GRK6: variants seen among roughly 807,000 people sequenced by gnomAD.
The protein encoded by GRK6 is G protein-coupled receptor kinase 6.
A neutral mutation model predicts 80.8 loss-of-function variants in GRK6; 37 were observed. The ratio of observed to expected loss-of-function variants is 0.46; its 90% confidence interval spans 0.35 to 0.60. GRK6 has a LOEUF of 0.60. Among genes scored for constraint, GRK6 ranks in the 20% least tolerant of loss-of-function variants. The pLI is 0.00. For missense variants in GRK6, 560 were observed against 784.6 expected (o/e 0.71, Z 3.42); for synonymous variants, 295 against 320.9 (o/e 0.92, Z 0.86).
rs891888052 is a variant in GRK6, at chr5:177,429,936, G to A, written c.53-936G>A. Among the ~76,000 whole-genome samples, 7 of 152,074 alleles carry A rather than the reference G, an allele frequency of 4.6e-5. No individual in the cohort carries two copies. Among genetic ancestry groups the A allele is most frequent in the Non-Finnish European group, 1.0e-4 (7 of 68,026 alleles). On this transcript the variant is annotated intron_variant, in intron 1 of 15. Transcript: ENST00000355472. This position sits in a 1 kb window ranked among gnomAD's most constrained non-coding sequence, Gnocchi z 4.3. ...TCAGACCCAGCTCTGGGAGGCTCAG[G>A]CCCCTTCCACCCTCCTCAACCTGGT...
At position 177,435,079 on chromosome 5, in the gene GRK6, G is replaced by T. The variant is rs1181418041; in HGVS notation, c.1015G>T (p.Gly339Cys). ...GGGACTAGCTGTGCATGTGCCCGAG[G>T]GCCAGACCATCAAAGGGCGTGTGGG... ...DLGLAVHVPEGQTIKGRVGTV... is the reference protein window; with the variant it reads ...DLGLAVHVPECQTIKGRVGTV... Residue 339 changes from glycine to cysteine, a missense_variant, in exon 11 of 16, where the codon GGC (glycine) becomes TGC (cysteine). Physicochemically the swap from Gly to Cys is radical, Grantham distance 159. Transcript: ENST00000355472. 6.8e-6 allele frequency: 11 copies of T among 1,611,960 alleles called. No homozygotes were observed. Among genetic ancestry groups the T allele is most frequent in the Non-Finnish European group, 9.3e-6 (11 of 1,179,380 alleles).
chr5:177,430,987 TG>T lies in GRK6; in HGVS notation c.148+25del. On this transcript the variant is annotated intron_variant, in intron 2 of 15. Transcript: ENST00000355472. The stretch of plus-strand genomic sequence containing the variant: ...GCCTCGGTGAGGCCTGGGCAGAGAC[TG>T]GGGGTGCTGAGGCGAGGGGCCCTGC... The T allele has an allele frequency of 1.9e-6, 3 of 1,605,696 alleles. No individual in the cohort carries two copies. The highest frequency in any genetic ancestry group is 2.6e-6 in the Non-Finnish European group (3 of 1,173,908).
Position 177,430,862 on chromosome 5 carries a change from G to T in GRK6, c.53-10G>T, listed in dbSNP as rs1209378469. On this transcript the variant is annotated splice_polypyrimidine_tract_variant and intron_variant, in intron 1 of 15. Transcript: ENST00000355472. Reference sequence around the variant, plus strand: ...GGGACTCGAGACCCAGTGTCCTATTGCTCCCACAGGTGGCGGTGGAAATCG... The same window carrying T: ...GGGACTCGAGACCCAGTGTCCTATTTCTCCCACAGGTGGCGGTGGAAATCG... 1.9e-6 allele frequency: 3 copies of T among 1,613,294 alleles called. No homozygotes were observed. In the South Asian group the frequency reaches 3.3e-5, roughly 18 times the overall value.
At chr5:177,434,173 G>T in intron 9 of GRK6, 69 bp downstream of exon 9, 1 of 1,422,930 alleles carries the variant, frequency 7.0e-7, no homozygotes, top group Non-Finnish European at 9.3e-7. Flanking sequence ...GGCCTGGACG[G>T]GGGTGGCCAA....
In GRK6 at chr5:177,434,238, G is replaced by A. The variant is rs989655282; in HGVS notation, c.929+134G>A. 3.1e-5 allele frequency: 29 copies of A among 949,648 alleles called. No homozygotes were observed. In the Middle Eastern group the frequency reaches 9.5e-4, roughly 31 times the overall value. The allele number at this position is 949,648 out of a possible 1,614,324, so 58.8% of individuals were successfully genotyped here. A position where few individuals can be genotyped will look rare whatever the true frequency, so the allele number is the denominator to read the frequency against. ...ACATTGGTTTGGGGGCTGTGGCACC[G>A]GCTTAACTCACACGCCAGGCCAACC... On this transcript the variant is annotated intron_variant, in intron 9 of 15. Transcript: ENST00000355472.
chr5:177,433,795 C>T lies in GRK6; in HGVS notation c.738+119C>T, dbSNP rs1386811594. ...AGGAAGGGCGGGTTTGGGGTGTTGA[C>T]ACCAGGCTTGGGGAGCAGGCTGGGC... is the stretch of plus-strand genomic sequence containing the variant. On this transcript the variant is annotated intron_variant, in intron 8 of 15. Coordinates refer to ENST00000355472, the MANE Select transcript of GRK6 (RefSeq NM_001004106.3). 20 of 1,521,000 alleles carry T rather than the reference C, an allele frequency of 1.3e-5. 1 individual carries two copies. Among genetic ancestry groups the T allele is most frequent in the Non-Finnish European group, 1.6e-5 (18 of 1,123,908 alleles). The allele number at this position is 1,521,000 out of a possible 1,614,324, so 94.2% of individuals were successfully genotyped here.
intron 4 of GRK6, 74 bp from the exon 5 acceptor site, chr5:177,432,632 T>C: frequency 9.2e-7 from 1 of 1,086,350 alleles, no homozygotes; most frequent in Non-Finnish European, 1.3e-6. Context: ...CCGAGTTGCC[T>C]GACCCCTCTC....
chr5:177,441,778 C>T lies in GRK6; in HGVS notation c.1719C>T (p.Pro573=). 1 of 1,611,946 alleles carries T rather than the reference C, an allele frequency of 6.2e-7. No individual in the cohort carries two copies. The highest frequency in any genetic ancestry group is 8.5e-7 in the Non-Finnish European group (1 of 1,178,772). The change falls in exon 16 of 16, where the codon CCC becomes CCT. Residue 573 remains proline (P), a synonymous_variant. Transcript: ENST00000355472. ...GCAGCGACAGCGAGGAAGAGCTCCC[C>T]ACCCGCCTCTAGCCCCCAGCCCGAG... ...GNCSDSEEEL[P]TRL
chr5:177,436,176 G>A lies in GRK6; in HGVS notation c.1161G>A (p.Gln387=). The change falls in exon 12 of 16, where the codon CAG becomes CAA. Residue 387 remains glutamine (Q), a synonymous_variant. Transcript: ENST00000355472. ...EMIAGQSPFQ[Q]RKKKIKREEV... ...TCGCAGGCCAGTCGCCCTTCCAGCA[G>A]AGGAAGAAGAAGATCAAGCGGGAGG... is the stretch of plus-strand genomic sequence containing the variant. The A allele has an allele frequency of 1.2e-6, 2 of 1,614,208 alleles. No homozygotes were observed. Among genetic ancestry groups the A allele is most frequent in the Non-Finnish European group, 1.7e-6 (2 of 1,180,020 alleles).
rs537666534 is a variant in GRK6 at position 177,434,084 on chromosome 5, C to T, written c.909C>T (p.His303=). 1.9e-6 allele frequency: 3 copies of T among 1,594,010 alleles called. No homozygotes were observed. Among genetic ancestry groups the T allele is most frequent in the Admixed American group, 1.7e-5 (1 of 58,756 alleles). The part of the protein sequence containing the change: ...AEICCGLEDL[H]RERIVYRDLK... Reference sequence around the variant, plus strand: ...TCTGCTGTGGCCTGGAGGACCTGCACCGGGAGCGCATCGTGTACAGGTGGG... The same window carrying T: ...TCTGCTGTGGCCTGGAGGACCTGCATCGGGAGCGCATCGTGTACAGGTGGG... Residue 303 remains histidine, a synonymous_variant, in exon 9 of 16, where the codon CAC becomes CAT. Transcript: ENST00000355472.
At chr5:177,432,947 A>G in intron 5 of GRK6, 141 bp downstream of exon 5, 2 of 801,042 alleles carry the variant, frequency 2.5e-6, no homozygotes, top group Non-Finnish European at 4.1e-6. Context: ...GTGTGACCTG[A>G]GCAGGCTGCC....
chr5:177,425,846 T>C (rs1361594153), upstream of GRK6, among the ~76,000 whole-genome samples: 3 of 152,238 alleles, frequency 2.0e-5, no homozygotes, highest in Non-Finnish European at 4.4e-5. Context: ...ATTTCAGCCT[T>C]GTTTTCTCCG....
chr5:177,434,659 G>C (rs1040487557), intron 9 of GRK6, among the ~76,000 whole-genome samples: 2 of 152,204 alleles, frequency 1.3e-5, no homozygotes, highest in Non-Finnish European at 2.9e-5. Flanking sequence ...AGGCCCCTCC[G>C]GGGTGGAGCT....
At chr5:177,425,922 G>A (rs1359143908), upstream of GRK6, among the ~76,000 whole-genome samples, 1 of 152,268 alleles carries the variant, frequency 6.6e-6, no homozygotes, top group African/African-American at 2.4e-5. Context: ...TATAATGGGT[G>A]TGAACTCATC....
At chr5:177,435,217 A>C in intron 11 of GRK6, 96 bp downstream of exon 11, 1 of 878,786 alleles carries the variant, frequency 1.1e-6, no homozygotes, top group South Asian at 1.7e-5. Context: ...TTCTCTCAAA[A>C]GGGGCCTCAG....
At chr5:177,433,121 G>T in intron 5 of GRK6, 26 bp from the exon 6 acceptor site, 1 of 1,600,132 alleles carries the variant, frequency 6.2e-7, no homozygotes, top group South Asian at 1.1e-5. Context: ...GCTGGCGGGT[G>T]AGCTGGGCCT....
chr5:177,427,659 T>C (rs1763727948), intron 1 of GRK6, among the ~76,000 whole-genome samples: 1 of 151,976 alleles, frequency 6.6e-6, no homozygotes, highest in Non-Finnish European at 1.5e-5. Flanking sequence ...CCAGATCGGG[T>C]CCTCACTGCC....
chr5:177,432,664 C>A (rs748703268), intron 4 of GRK6, 42 bp from the exon 5 acceptor site: 7 of 1,381,054 alleles, frequency 5.1e-6, no homozygotes, highest in Non-Finnish European at 7.0e-6. Flanking sequence ...GGCAGCCATC[C>A]AAGGGAGCCC....
chr5:177,431,335 G>A (rs1018520387), intron 2 of GRK6, among the ~76,000 whole-genome samples: 31 of 152,188 alleles, frequency 2.0e-4, no homozygotes, highest in African/African-American at 6.3e-4. Context: ...AGGCTGGGGC[G>A]TAGCCTCCCA....
Sources: gnomAD v4.1 joint callset for allele counts (sites outside exome capture counted in the v4.1 genomes callset) on GRCh38, gnomAD v4.1.1 for gene constraint, Gnocchi (gnomAD v3.1) non-coding constraint, MANE v1.5 for transcripts, NCBI Gene and HGNC (gene_info 2026-07-23, HGNC 2026-07-21) for gene names.